The following PEDS1 variants were observed in gnomAD, a reference collection of about 807,000 sequenced individuals.
PEDS1 encodes CarF homolog.
A neutral mutation model predicts 35.2 loss-of-function variants in PEDS1; 14 were observed. That is an observed-to-expected ratio of 0.40 (90% confidence interval 0.26 to 0.62). The LOEUF (loss-of-function observed/expected upper bound fraction) is 0.62. PEDS1 is among the 20% of genes least tolerant of loss of function. The pLI, the probability that PEDS1 is intolerant of heterozygous loss-of-function variation, is 0.44. For missense variants in PEDS1, 260 were observed against 367.8 expected (o/e 0.71, Z 2.40); for synonymous variants, 152 against 152.0 (o/e 1.00, Z 0.00).
chr20:50,133,102 T>G (rs147866100), intron 2 of PEDS1, among the ~76,000 whole-genome samples: 7 of 152,282 alleles, frequency 4.6e-5, no homozygotes, highest in Non-Finnish European at 1.0e-4. Context: ...TTGGGGGTAC[T>G]GTGGAGACTG....
chr20:50,150,066 C>T (rs546915567), intron 1 of PEDS1, among the ~76,000 whole-genome samples: 75 of 152,222 alleles, frequency 4.9e-4, no homozygotes, highest in African/African-American at 1.8e-3. Flanking sequence ...GGCCTAACCC[C>T]GATCAGGGTG....
intron 1 of PEDS1, among the ~76,000 whole-genome samples, chr20:50,152,456 CAGG>C (rs1390514191): frequency 2.0e-5 from 3 of 152,186 alleles, no homozygotes; most frequent in Non-Finnish European, 4.4e-5. Flanking sequence ...TCACCTGAAC[CAGG>C]AGTTCTCAAA....
chr20:50,137,335 C>T (rs1352547836), intron 2 of PEDS1, among the ~76,000 whole-genome samples: 4 of 152,112 alleles, frequency 2.6e-5, no homozygotes, highest in Non-Finnish European at 4.4e-5. Context: ...GCCACCGCAC[C>T]CAGCCGAGGG....
At chr20:50,131,682 C>T (rs2081182158) in intron 2 of PEDS1, among the ~76,000 whole-genome samples, 1 of 151,658 alleles carries the variant, frequency 6.6e-6, no homozygotes, top group South Asian at 2.1e-4. Flanking sequence ...CACCCCCACC[C>T]CTCCAGCTTT....
chr20:50,143,302 G>A (rs2081313453), intron 2 of PEDS1, among the ~76,000 whole-genome samples, 200 bp downstream of exon 2: 1 of 152,168 alleles, frequency 6.6e-6, no homozygotes, highest in African/African-American at 2.4e-5. Context: ...GAGGAACTGA[G>A]GATCATGTTT....
At chr20:50,135,812 A>G (rs1441089080) in intron 2 of PEDS1, among the ~76,000 whole-genome samples, 1 of 152,140 alleles carries the variant, frequency 6.6e-6, no homozygotes, top group African/African-American at 2.4e-5. Flanking sequence ...ATTTAAACGG[A>G]TTCAGATGGT....
intron 1 of PEDS1, among the ~76,000 whole-genome samples, chr20:50,150,788 T>A (rs374032788): frequency 6.6e-6 from 1 of 151,894 alleles, no homozygotes. Flanking sequence ...CTCCGCCTCC[T>A]GGGTTCAAGA....
Position 50,121,396 on chromosome 20 carries a change from T to G in PEDS1, c.*3662A>C, listed in dbSNP as rs1457818632. The G allele has an allele frequency of 6.6e-6, 1 of 152,360 alleles. No individual in the cohort carries two copies. The highest frequency in any genetic ancestry group is 1.9e-4 in the East Asian group (1 of 5,202). 9.4% of individuals were successfully genotyped at this position (152,360 alleles called of 1,614,324 possible). Reference sequence around the variant, plus strand: ...TCCTGATTCTGCCACCTACCAGCTGTGTGACCTTGGGCATATTACATGACC... The same window carrying G: ...TCCTGATTCTGCCACCTACCAGCTGGGTGACCTTGGGCATATTACATGACC... On this transcript the variant is annotated 3_prime_UTR_variant, in exon 6 of 6. Coordinates refer to ENST00000371652, the MANE Select transcript of PEDS1 (RefSeq NM_199129.4).
rs1299740020 is a variant in PEDS1, at chr20:50,119,023, C to T, written c.*6035G>A. The stretch of plus-strand genomic sequence containing the variant: ...AAATTAAAACCACCTATCAGATTGG[C>T]AAAGAACAAAACATTTGATAACACG... On this transcript the variant is annotated 3_prime_UTR_variant, in exon 6 of 6. Transcript: ENST00000371652. The T allele has an allele frequency of 6.6e-6, 1 of 152,144 alleles. No individual in the cohort carries two copies. The highest frequency in any genetic ancestry group is 2.4e-5 in the African/African-American group (1 of 41,418). 9.4% of individuals were successfully genotyped at this position (152,144 alleles called of 1,614,324 possible).
chr20:50,151,213 T>A, intron 1 of PEDS1: 1 of 1,301,896 alleles, frequency 7.7e-7, no homozygotes. Flanking sequence ...CTCCCCTACC[T>A]CCAGGTCTGG....
At chr20:50,151,626 G>A (rs1052177924) in intron 1 of PEDS1, among the ~76,000 whole-genome samples, 3 of 152,166 alleles carry the variant, frequency 2.0e-5, no homozygotes, top group South Asian at 2.1e-4. Context: ...GTGGGAGGCC[G>A]AGGTGGGCGG....
intron 3 of PEDS1, among the ~76,000 whole-genome samples, chr20:50,130,334 G>C (rs942985061): frequency 6.6e-6 from 1 of 152,176 alleles, no homozygotes; most frequent in East Asian, 1.9e-4. Context: ...ATCTCTGGGC[G>C]GTGAGAAAGC....
At chr20:50,140,631 G>GATGAGGCC (rs2081283047) in intron 2 of PEDS1, among the ~76,000 whole-genome samples, 1 of 152,172 alleles carries the variant, frequency 6.6e-6, no homozygotes, top group African/African-American at 2.4e-5. Flanking sequence ...CTGTGCAAAC[G>GATGAGGCC]TCATCTTTTC....
At chr20:50,147,335 G>C (rs955037248) in intron 1 of PEDS1, among the ~76,000 whole-genome samples, 17 of 152,170 alleles carry the variant, frequency 1.1e-4, no homozygotes, top group Admixed American at 3.3e-4. Flanking sequence ...AGTAATAGCT[G>C]CCCCCATCCA....
chr20:50,135,088 G>C (rs1394229100), intron 2 of PEDS1, among the ~76,000 whole-genome samples: 2 of 152,208 alleles, frequency 1.3e-5, no homozygotes, highest in Non-Finnish European at 2.9e-5. Flanking sequence ...AGGAGGCTGA[G>C]GCAGGAGAAT....
At chr20:50,141,748 G>A (rs1431814960) in intron 2 of PEDS1, among the ~76,000 whole-genome samples, 1 of 152,204 alleles carries the variant, frequency 6.6e-6, no homozygotes, top group Non-Finnish European at 1.5e-5. Context: ...CTGGGGGCAG[G>A]GGACATGCCT....
chr20:50,136,599 T>C (rs1361191483), intron 2 of PEDS1, among the ~76,000 whole-genome samples: 1 of 151,910 alleles, frequency 6.6e-6, no homozygotes, highest in African/African-American at 2.4e-5. Context: ...GGTGTAGGCC[T>C]GTAATCTCAA....
rs1003702023 is a variant in PEDS1, at chr20:50,153,509, G to A, written c.121+8C>T. On this transcript the variant is annotated splice_region_variant and intron_variant, in intron 1 of 5. Coordinates refer to ENST00000371652, the MANE Select transcript of PEDS1 (RefSeq NM_199129.4). ...CCGCAGGCCTGGAGGGGGGCCCAGA[G>A]GTCTTACCTGGCGAGTAGAGCGCAG... 1.4e-6 allele frequency: 2 copies of A among 1,385,984 alleles called. No individual in the cohort carries two copies. Among genetic ancestry groups the A allele is most frequent in the Admixed American group, 2.9e-5 (1 of 34,812 alleles). 85.9% of individuals were successfully genotyped at this position (1,385,984 alleles called of 1,614,324 possible). A position where few individuals can be genotyped will look rare whatever the true frequency, so the allele number is the denominator to read the frequency against.
At chr20:50,135,167 AG>A (rs1353157158) in intron 2 of PEDS1, among the ~76,000 whole-genome samples, 1 of 152,280 alleles carries the variant, frequency 6.6e-6, no homozygotes, top group East Asian at 1.9e-4. Context: ...CCTGGGCAAC[AG>A]ATGGAGACTC....
Sources: allele counts gnomAD v4.1 joint callset (sites outside exome capture counted in the v4.1 genomes callset), GRCh38; gene constraint gnomAD v4.1.1; transcripts MANE v1.5; gene names NCBI Gene and HGNC (gene_info 2026-07-23, HGNC 2026-07-21).